Variants in LMO3 observed in about 807,000 individuals in gnomAD.
The protein encoded by LMO3 is LIM domain only protein 3.
LMO3 carries 2 observed loss-of-function variants against 15.8 expected under a neutral mutation model. The observed-to-expected ratio is 0.13, with a 90% CI of 0.05 to 0.40. The LOEUF is 0.40. Ranked by LOEUF, LMO3 falls within the 10% of genes least tolerant of loss-of-function variation. The pLI is 0.99. For missense variants in LMO3, 86 were observed against 182.2 expected, an observed-to-expected ratio of 0.47 and a Z score of 3.04; for synonymous variants, 62 against 63.8, an observed-to-expected ratio of 0.97 and a Z score of 0.13.
chr12:16,566,040 A>ATATATGT (rs1942598708), intron 2 of LMO3, among the ~76,000 whole-genome samples: 1 of 106,802 alleles, frequency 9.4e-6, no homozygotes, highest in Non-Finnish European at 1.9e-5. Flanking sequence ...ATATATATAT[A>ATATATGT]AAATGGAGTA....
At chr12:16,580,835 A>G (rs1230099656) in intron 2 of LMO3, among the ~76,000 whole-genome samples, 1 of 152,186 alleles carries the variant, frequency 6.6e-6, no homozygotes, top group Non-Finnish European at 1.5e-5. Flanking sequence ...GTTGCTTTGC[A>G]ATAAAAGCTT....
chr12:16,572,429 TAA>T, intron 2 of LMO3, among the ~76,000 whole-genome samples: 1 of 142,068 alleles, frequency 7.0e-6, no homozygotes, highest in South Asian at 2.3e-4. Flanking sequence ...TCTTCTTTAT[TAA>T]AAAAAAAACA....
intron 2 of LMO3, 59 bp downstream of exon 2, chr12:16,600,596 C>G: frequency 6.9e-7 from 1 of 1,442,896 alleles, no homozygotes; most frequent in African/African-American, 1.4e-5. Flanking sequence ...AAAAAATACA[C>G]TTACAAAAGT....
intron 2 of LMO3, among the ~76,000 whole-genome samples, chr12:16,581,523 C>T (rs892820022): frequency 4.6e-5 from 7 of 152,322 alleles, no homozygotes; most frequent in Admixed American, 3.3e-4. Flanking sequence ...GCTGGAGCCT[C>T]AGTTCCTATA....
At chr12:16,562,901 C>T (rs905968637) in intron 2 of LMO3, among the ~76,000 whole-genome samples, 10 of 152,186 alleles carry the variant, frequency 6.6e-5, no homozygotes, top group Admixed American at 4.6e-4. Context: ...AGTTCTCTGA[C>T]GTTATAGCCT....
chr12:16,581,226 C>T (rs1943148376), intron 2 of LMO3, among the ~76,000 whole-genome samples: 1 of 152,156 alleles, frequency 6.6e-6, no homozygotes, highest in Non-Finnish European at 1.5e-5. Flanking sequence ...TCACTAAACA[C>T]TAGAGTACAG....
chr12:16,554,522 CT>C (rs1942113031), intron 3 of LMO3, among the ~76,000 whole-genome samples: 1 of 152,154 alleles, frequency 6.6e-6, no homozygotes, highest in Non-Finnish European at 1.5e-5. Context: ...AATTTACTGT[CT>C]TTCCCACTGA....
chr12:16,603,048 A>C lies in LMO3; in HGVS notation c.-8-2180T>G, dbSNP rs1021120996. 5.3e-5 allele frequency among the ~76,000 whole-genome samples: 8 copies of C among 152,016 alleles called. No individual in the cohort carries two copies. The highest frequency in any genetic ancestry group is 1.9e-4 in the African/African-American group (8 of 41,418). ...TTATATTTCCCACAGTTGTGTTTCT[A>C]CCATCAAGCATAGAAGGTCAGCTGT... On this transcript the variant is annotated intron_variant, in intron 1 of 3. Coordinates refer to ENST00000537304, the MANE Select transcript of LMO3 (RefSeq NM_018640.5). The surrounding 1 kb of genome is among the most constrained non-coding windows in gnomAD (Gnocchi z 4.9).
At position 16,593,673 on chromosome 12, in the gene LMO3, T is replaced by C. The variant is rs1049040945; in HGVS notation, c.206+6982A>G. Among the ~76,000 whole-genome samples the C allele has an allele frequency of 6.6e-6, 1 of 151,744 alleles. No homozygotes were observed. The highest frequency in any genetic ancestry group is 6.6e-5 in the Admixed American group (1 of 15,204). ...GTGAAGATAGAAAACGTTTGGCTTC[T>C]ATAATAAGAGGATATGCTTAGGTCC... On this transcript the variant is annotated intron_variant, in intron 2 of 3. Coordinates refer to ENST00000537304, the MANE Select transcript of LMO3 (RefSeq NM_018640.5). This position sits in a 1 kb window ranked among gnomAD's most constrained non-coding sequence, Gnocchi z 4.2.
chr12:16,605,435 T>TTCCCCCCCCCCCCCCCCCC, intron 1 of LMO3: 1 of 382,354 alleles, frequency 2.6e-6, no homozygotes, highest in Non-Finnish European at 3.0e-6. Flanking sequence ...CCTACCCGCC[T>TTCCCCCCCCCCCCCCCCCC]GCCCCCCCCC....
chr12:16,573,114 C>A (rs1249841366), intron 2 of LMO3, among the ~76,000 whole-genome samples: 2 of 151,608 alleles, frequency 1.3e-5, no homozygotes, highest in African/African-American at 2.4e-5. Context: ...TAGGAGTAAG[C>A]CACTCAGTCA....
intron 1 of LMO3, 166 bp downstream of exon 1, chr12:16,605,900 C>A: frequency 1.4e-6 from 2 of 1,412,972 alleles, no homozygotes; most frequent in Non-Finnish European, 1.9e-6. Flanking sequence ...AGAGCTGCAG[C>A]CCGAGTGAAA....
In LMO3 at chr12:16,604,703, C is replaced by G. The variant is rs1943931426; in HGVS notation, c.-9+1363G>C. ...ATGTAGCAGTATTTGTTGCATCTAG[C>G]AAGATTAATTGGTTTAAGCAGCAGT... is the stretch of plus-strand genomic sequence containing the variant. On this transcript the variant is annotated intron_variant, in intron 1 of 3. Transcript: ENST00000537304. The surrounding 1 kb of genome is among the most constrained non-coding windows in gnomAD (Gnocchi z 5.3). The G allele has an allele frequency of 1.4e-6, 1 of 738,492 alleles. No individual in the cohort carries two copies. Among genetic ancestry groups the G allele is most frequent in the Non-Finnish European group, 2.2e-6 (1 of 448,240 alleles). The allele number at this position is 738,492 out of a possible 1,614,324, so 45.7% of individuals were successfully genotyped here. A position where few individuals can be genotyped will look rare whatever the true frequency, so the allele number is the denominator to read the frequency against.
Position 16,587,732 on chromosome 12 carries a change from C to A in LMO3, c.206+12923G>T, listed in dbSNP as rs1325144991. ...GACAAACAATGATATGTATTACATG[C>A]AGTAAACACTGCCTTTGGTACACAG... is the stretch of plus-strand genomic sequence containing the variant. On this transcript the variant is annotated intron_variant, in intron 2 of 3. Coordinates refer to ENST00000537304, the MANE Select transcript of LMO3 (RefSeq NM_018640.5). The surrounding 1 kb of genome is among the most constrained non-coding windows in gnomAD (Gnocchi z 4.3). Among the ~76,000 whole-genome samples, 3 of 151,636 alleles carry A rather than the reference C, an allele frequency of 2.0e-5. No individual in the cohort carries two copies. The South Asian group carries it at 6.2e-4, about 31-fold the overall frequency.
At chr12:16,566,704 A>G (rs1047031140) in intron 2 of LMO3, among the ~76,000 whole-genome samples, 5 of 151,876 alleles carry the variant, frequency 3.3e-5, no homozygotes, top group African/African-American at 1.2e-4. Flanking sequence ...ATTTTTCTTT[A>G]TTAACACATA....
At chr12:16,564,530 C>G (rs1302431520) in intron 2 of LMO3, among the ~76,000 whole-genome samples, 1 of 152,168 alleles carries the variant, frequency 6.6e-6, no homozygotes, top group Non-Finnish European at 1.5e-5. Flanking sequence ...CTACAGGCAT[C>G]AGGGGAAAAT....
At chr12:16,592,294 C>T (rs987051477) in intron 2 of LMO3, among the ~76,000 whole-genome samples, 5 of 151,910 alleles carry the variant, frequency 3.3e-5, no homozygotes, top group Non-Finnish European at 5.9e-5. Flanking sequence ...AGGGTTGCAC[C>T]GTGAAAGAAG....
In LMO3 at chr12:16,604,832, G is replaced by A. The variant is rs1211882039; in HGVS notation, c.-9+1234C>T. 1.9e-6 allele frequency: 3 copies of A among 1,597,534 alleles called. No individual in the cohort carries two copies. The Admixed American group carries it at 5.0e-5, about 27-fold the overall frequency. ...GAGCGGCCAGGAGTGCAGAGCGCCA[G>A]CAAAGTGCATCTATGATAGACTGTA... On this transcript the variant is annotated intron_variant, in intron 1 of 3. Transcript: ENST00000537304. The surrounding 1 kb of genome is among the most constrained non-coding windows in gnomAD (Gnocchi z 5.3).
intron 3 of LMO3, among the ~76,000 whole-genome samples, chr12:16,558,017 T>A (rs1942257425): frequency 6.6e-6 from 1 of 152,146 alleles, no homozygotes; most frequent in South Asian, 2.1e-4. Flanking sequence ...ATAGAAGACA[T>A]ATGTGAAGCT....
Sources: gnomAD v4.1 joint callset for allele counts (sites outside exome capture counted in the v4.1 genomes callset) on GRCh38, gnomAD v4.1.1 for gene constraint, Gnocchi (gnomAD v3.1) non-coding constraint, MANE v1.5 for transcripts, NCBI Gene and HGNC (gene_info 2026-07-23, HGNC 2026-07-21) for gene names.